TMIGD1: variants seen among roughly 807,000 people sequenced by gnomAD.
TMIGD1 encodes the protein transmembrane and immunoglobulin domain containing 1.
TMIGD1 carries 29 observed loss-of-function variants against 27.5 expected under a neutral mutation model. The observed-to-expected ratio is 1.05, with a 90% CI of 0.78 to 1.44. The LOEUF is 1.44. Ranked by LOEUF, TMIGD1 falls within the 40% of genes most tolerant of loss-of-function variation. TMIGD1 has a pLI of 0.00. For missense variants in TMIGD1, 334 were observed against 310.6 expected, an observed-to-expected ratio of 1.08 and a Z score of -0.57; for synonymous variants, 109 against 110.3, an observed-to-expected ratio of 0.99 and a Z score of 0.07.
chr17:30,324,565 T>C (rs1396580163), intron 4 of TMIGD1, among the ~76,000 whole-genome samples: 3 of 152,178 alleles, frequency 2.0e-5, no homozygotes, highest in Non-Finnish European at 4.4e-5. Context: ...CCAAGCAGGA[T>C]TGTTTCCTAT....
Position 30,332,037 on chromosome 17 carries a change from A to G in TMIGD1, c.82+15T>C. On this transcript the variant is annotated intron_variant, in intron 2 of 6. Coordinates refer to ENST00000328886, the MANE Select transcript of TMIGD1 (RefSeq NM_206832.3). ...TTCTTTATCTAAAAAGAGGCCAAAA[A>G]GAACTTTAACTTACTTGTCATCTCA... is the stretch of plus-strand genomic sequence containing the variant. 6.3e-7 allele frequency: 1 copy of G among 1,585,188 alleles called. No homozygotes were observed. The highest frequency in any genetic ancestry group is 1.1e-5 in the South Asian group (1 of 88,720).
intron 2 of TMIGD1, among the ~76,000 whole-genome samples, chr17:30,331,276 G>T (rs1909969297): frequency 6.6e-6 from 1 of 151,472 alleles, no homozygotes; most frequent in Non-Finnish European, 1.5e-5. Context: ...ATATTGAGTG[G>T]TTGTCATCTC....
At chr17:30,323,501 A>C (rs1243768827) in intron 4 of TMIGD1, among the ~76,000 whole-genome samples, 1 of 152,214 alleles carries the variant, frequency 6.6e-6, no homozygotes, top group Non-Finnish European at 1.5e-5. Context: ...GTAGCTAAGC[A>C]AGAAGAAATA....
chr17:30,330,363 C>A (rs1032465421), intron 2 of TMIGD1, among the ~76,000 whole-genome samples: 15 of 151,902 alleles, frequency 9.9e-5, no homozygotes. Flanking sequence ...TATACACATA[C>A]CATATTTAAT....
At chr17:30,329,929 A>AT (rs1405591196) in intron 2 of TMIGD1, among the ~76,000 whole-genome samples, 3 of 151,698 alleles carry the variant, frequency 2.0e-5, no homozygotes, top group African/African-American at 4.8e-5. Context: ...AAATAAAAAA[A>AT]AAAACATTAG....
intron 3 of TMIGD1, among the ~76,000 whole-genome samples, chr17:30,326,728 CCAA>C (rs1463616608): frequency 6.6e-6 from 1 of 152,104 alleles, no homozygotes; most frequent in Non-Finnish European, 1.5e-5. Context: ...ATGTATTTCT[CCAA>C]CGTTAACATC....
intron 5 of TMIGD1, among the ~76,000 whole-genome samples, chr17:30,318,156 G>A (rs1339341044): frequency 1.3e-5 from 2 of 152,170 alleles, no homozygotes; most frequent in African/African-American, 4.8e-5. Context: ...TTGGAATAGG[G>A]GGTGGAGTGA....
In TMIGD1 at chr17:30,318,912, A is replaced by G. The variant is rs1466182666; in HGVS notation, c.642T>C (p.Asp214=). 5.0e-6 allele frequency: 8 copies of G among 1,606,990 alleles called. No homozygotes were observed. In the African/African-American group the frequency reaches 1.1e-4, roughly 21 times the overall value. ...GCTCTATTGGTACACCCACAGTTTT[A>G]TCTGTAGGAAATGCAAACACAGGGA... ...ESLDFHLIVK[D]KTVGVPIEPI... is the part of the protein sequence containing the mutation. Residue 214 remains aspartate (D), a splice_region_variant and synonymous_variant, in exon 5 of 7, where the codon GAT becomes GAC. Coordinates refer to ENST00000328886, the MANE Select transcript of TMIGD1 (RefSeq NM_206832.3).
intron 3 of TMIGD1, among the ~76,000 whole-genome samples, chr17:30,325,662 T>C (rs1446509637): frequency 6.6e-6 from 1 of 152,176 alleles, no homozygotes; most frequent in Non-Finnish European, 1.5e-5. Flanking sequence ...GCCGCTATTA[T>C]TATTACGGTG....
At position 30,329,480 on chromosome 17, in the gene TMIGD1, A is replaced by G; in HGVS notation, c.132T>C (p.Thr44=). 1 of 1,614,154 alleles carries G rather than the reference A, an allele frequency of 6.2e-7. No homozygotes were observed. The highest frequency in any genetic ancestry group is 8.5e-7 in the Non-Finnish European group (1 of 1,179,998). Residue 44 remains threonine (T), a synonymous_variant, in exon 3 of 7, where the codon ACT becomes ACC. Transcript: ENST00000328886. ...TCAGAGATGCTTGGGAGCCAGGTGT[A>G]GTATCCAGGATATAGTTCTCAGTTT... is the stretch of plus-strand genomic sequence containing the variant. ...NGKTENYILD[T]TPGSQASLIC...
intron 4 of TMIGD1, among the ~76,000 whole-genome samples, chr17:30,321,396 C>T (rs973530086): frequency 3.9e-5 from 6 of 152,178 alleles, no homozygotes; most frequent in Non-Finnish European, 5.9e-5. Flanking sequence ...TGCCATCCAA[C>T]GACGGGAAGG....
chr17:30,333,742 G>A (rs1022927462), intron 1 of TMIGD1, among the ~76,000 whole-genome samples: 1 of 151,970 alleles, frequency 6.6e-6, no homozygotes, highest in African/African-American at 2.4e-5. Flanking sequence ...CTATCACAGT[G>A]TTGTAACAGT....
chr17:30,324,763 G>A, intron 4 of TMIGD1, 53 bp downstream of exon 4: 1 of 1,549,510 alleles, frequency 6.5e-7, no homozygotes, highest in Non-Finnish European at 8.8e-7. Flanking sequence ...TATTCACTGA[G>A]CATCTGGTGT....
intron 1 of TMIGD1, 120 bp downstream of exon 1, chr17:30,333,880 G>A (rs1430214901): frequency 6.6e-6 from 1 of 151,864 alleles, no homozygotes; most frequent in Non-Finnish European, 1.5e-5. Flanking sequence ...ACAAATCTAT[G>A]TCTTCTCTTT....
chr17:30,332,715 A>G (rs1019694799), intron 1 of TMIGD1, among the ~76,000 whole-genome samples: 4 of 152,156 alleles, frequency 2.6e-5, no homozygotes, highest in African/African-American at 9.6e-5. Flanking sequence ...CCTTGACCCA[A>G]TGGACTAAAA....
At chr17:30,332,402 G>A (rs1025771175) in intron 1 of TMIGD1, among the ~76,000 whole-genome samples, 21 of 152,286 alleles carry the variant, frequency 1.4e-4, no homozygotes, top group East Asian at 1.3e-3. Context: ...ATAGAGCAGC[G>A]TCAGGGTGCC....
chr17:30,323,217 A>G (rs1470712126), intron 4 of TMIGD1, among the ~76,000 whole-genome samples: 1 of 152,178 alleles, frequency 6.6e-6, no homozygotes, highest in Non-Finnish European at 1.5e-5. Context: ...TGGCAAGGGT[A>G]ATTACATAAC....
chr17:30,318,128 A>G (rs1248274466), intron 5 of TMIGD1, among the ~76,000 whole-genome samples: 1 of 152,082 alleles, frequency 6.6e-6, no homozygotes, highest in Non-Finnish European at 1.5e-5. Context: ...AACAACAACA[A>G]CTAAAATATG....
chr17:30,321,722 G>A (rs1398481484), intron 4 of TMIGD1, among the ~76,000 whole-genome samples: 2 of 152,082 alleles, frequency 1.3e-5, no homozygotes, highest in Non-Finnish European at 2.9e-5. Context: ...GGGAAGAAGT[G>A]ACTTTAGGTA....
Sources: allele counts gnomAD v4.1 joint callset (sites outside exome capture counted in the v4.1 genomes callset), GRCh38; gene constraint gnomAD v4.1.1; transcripts MANE v1.5; gene names NCBI Gene and HGNC (gene_info 2026-07-23, HGNC 2026-07-21).